The following CCDC6 variants were observed in gnomAD, a reference collection of about 807,000 sequenced individuals.
CCDC6 encodes the protein coiled-coil domain containing 6.
A neutral mutation model predicts 56.6 loss-of-function variants in CCDC6; 20 were observed. That is an observed-to-expected ratio of 0.35 (90% CI 0.25 to 0.51). CCDC6 has a LOEUF of 0.51. Among genes scored for constraint, CCDC6 ranks in the 20% least tolerant of loss-of-function variants. The pLI, the probability that CCDC6 is intolerant of heterozygous loss-of-function variation, is 0.95. For missense variants in CCDC6, 367 were observed against 601.1 expected, an observed-to-expected ratio of 0.61 and a Z score of 4.07; for synonymous variants, 241 against 234.4, an observed-to-expected ratio of 1.03 and a Z score of -0.26.
intron 1 of CCDC6, among the ~76,000 whole-genome samples, chr10:59,872,458 T>C (rs370488373): frequency 2.0e-5 from 3 of 152,318 alleles, no homozygotes; most frequent in East Asian, 3.9e-4. Context: ...TTACATCCTG[T>C]TCCTTGTCTC....
chr10:59,844,270 C>T (rs1218306645), intron 2 of CCDC6, among the ~76,000 whole-genome samples: 1 of 151,778 alleles, frequency 6.6e-6, no homozygotes, highest in African/African-American at 2.4e-5. Flanking sequence ...AGAGTCAGGC[C>T]CTCACTTCTG....
intron 4 of CCDC6, 106 bp from the exon 5 acceptor site, chr10:59,812,901 G>T (rs1187690467): frequency 2.7e-6 from 2 of 740,906 alleles, no homozygotes; most frequent in Non-Finnish European, 4.5e-6. Context: ...CCTGTTTACT[G>T]CCAGAATTCA....
intron 1 of CCDC6, among the ~76,000 whole-genome samples, chr10:59,867,548 A>T (rs1174364833): frequency 6.6e-6 from 1 of 152,054 alleles, no homozygotes; most frequent in South Asian, 2.1e-4. Context: ...TTTTCAACCA[A>T]TTGCCAATCA....
intron 1 of CCDC6, among the ~76,000 whole-genome samples, chr10:59,854,966 A>G (rs2071069139): frequency 6.6e-6 from 1 of 152,244 alleles, no homozygotes; most frequent in Admixed American, 6.5e-5. Context: ...AACTCATTTC[A>G]TTATCAGATC....
intron 8 of CCDC6, among the ~76,000 whole-genome samples, chr10:59,793,345 G>A (rs1453029482): frequency 1.3e-5 from 2 of 152,212 alleles, no homozygotes; most frequent in Non-Finnish European, 2.9e-5. Context: ...AACTTGTGTT[G>A]AACAAACTGC....
intron 1 of CCDC6, among the ~76,000 whole-genome samples, chr10:59,898,215 C>T (rs2071478352): frequency 6.6e-6 from 1 of 152,086 alleles, no homozygotes. Context: ...AGATAATTTC[C>T]ATGTACTGAC....
intron 7 of CCDC6, among the ~76,000 whole-genome samples, chr10:59,797,665 A>T (rs1368847749): frequency 1.6e-5 from 2 of 122,310 alleles, no homozygotes; most frequent in Non-Finnish European, 3.2e-5. Flanking sequence ...TGAGTGAGAG[A>T]GAGAGAGAGT....
chr10:59,790,279 G>A lies in CCDC6; in HGVS notation c.*2638C>T, dbSNP rs1295417231. 1 of 219,486 alleles carries A rather than the reference G, an allele frequency of 4.6e-6. No individual in the cohort carries two copies. Among genetic ancestry groups the A allele is most frequent in the East Asian group, 6.7e-5 (1 of 15,012 alleles). 13.6% of individuals were successfully genotyped at this position (219,486 alleles called of 1,614,324 possible). On this transcript the variant is annotated 3_prime_UTR_variant, in exon 9 of 9. Coordinates refer to ENST00000263102, the MANE Select transcript of CCDC6 (RefSeq NM_005436.5). Reference sequence around the variant, plus strand: ...AAATGAAGCTACTGAAGCCCCTGTTGCTCCCACCTGCCTGCAGGACGGCTA... The same window carrying A: ...AAATGAAGCTACTGAAGCCCCTGTTACTCCCACCTGCCTGCAGGACGGCTA...
At chr10:59,883,722 G>T (rs1169156346) in intron 1 of CCDC6, among the ~76,000 whole-genome samples, 1 of 152,144 alleles carries the variant, frequency 6.6e-6, no homozygotes, top group Non-Finnish European at 1.5e-5. Flanking sequence ...ATTTAATGAG[G>T]AAACACACTT....
Position 59,806,968 on chromosome 10 carries a change from G to A in CCDC6, c.958C>T (p.Arg320Ter). ...REMERREALC[R>*]QLSESESSLE... Reference sequence around the variant, plus strand: ...CTGGACTCACTCTCGGAGAGCTGTCGACAGAGGGCTTCTCTTCTCTCCATC... The same window carrying A: ...CTGGACTCACTCTCGGAGAGCTGTCAACAGAGGGCTTCTCTTCTCTCCATC... The change falls in exon 6 of 9, where the codon CGA becomes TGA. Residue 320 changes from arginine to a stop codon, truncating the protein, a stop_gained. Coordinates refer to ENST00000263102, the MANE Select transcript of CCDC6 (RefSeq NM_005436.5). LOFTEE classifies it high-confidence loss of function. The A allele has an allele frequency of 6.2e-7, 1 of 1,613,958 alleles. No individual in the cohort carries two copies.
Position 59,859,199 on chromosome 10 carries a change from CGTGTGTGTGTGTGT to C in CCDC6, c.304-6511_304-6498del, listed in dbSNP as rs66648240. 3.1e-3 allele frequency among the ~76,000 whole-genome samples: 426 copies of C among 137,260 alleles called. 6 individuals carry two copies. The highest frequency in any genetic ancestry group is 0.011 in the African/African-American group (410 of 37,338). 90.0% of individuals were successfully genotyped at this position (137,260 alleles called of 152,430 possible). A position where few individuals can be genotyped will look rare whatever the true frequency, so the allele number is the denominator to read the frequency against. ...CTGGAAAAAAAAATACATGTGTGTG[CGTGTGTGTGTGTGT>C]GTGTGTGTGTGTGTGTGTGTGTGTA... On this transcript the variant is annotated intron_variant, in intron 1 of 8. Coordinates refer to ENST00000263102, the MANE Select transcript of CCDC6 (RefSeq NM_005436.5).
At chr10:59,828,583 C>T (rs563806497) in intron 3 of CCDC6, among the ~76,000 whole-genome samples, 1 of 152,294 alleles carries the variant, frequency 6.6e-6, no homozygotes, top group East Asian at 1.9e-4. Context: ...TAAAAGACCA[C>T]TAAGATGAGA....
intron 1 of CCDC6, among the ~76,000 whole-genome samples, chr10:59,858,994 T>G (rs888227889): frequency 6.6e-6 from 1 of 152,200 alleles, no homozygotes; most frequent in Non-Finnish European, 1.5e-5. Flanking sequence ...TTCAGGGTGC[T>G]GCTTTCTCCT....
intron 2 of CCDC6, among the ~76,000 whole-genome samples, chr10:59,849,248 A>T (rs563411408): frequency 6.6e-6 from 1 of 152,300 alleles, no homozygotes. Context: ...CTCAGTCAAG[A>T]GTTCTCACGA....
chr10:59,838,108 T>C (rs771563296), intron 2 of CCDC6, among the ~76,000 whole-genome samples: 34 of 152,112 alleles, frequency 2.2e-4, no homozygotes, highest in Admixed American at 3.9e-4. Context: ...CACTAAGGGC[T>C]TCTTGGGCCC....
chr10:59,809,792 C>T (rs1216376094), intron 5 of CCDC6, among the ~76,000 whole-genome samples: 1 of 152,078 alleles, frequency 6.6e-6, no homozygotes, highest in Non-Finnish European at 1.5e-5. Context: ...ATCAGTTAGC[C>T]TACGGTAAAA....
chr10:59,826,184 C>T (rs187060773), intron 3 of CCDC6, among the ~76,000 whole-genome samples: 7 of 152,300 alleles, frequency 4.6e-5, no homozygotes, highest in African/African-American at 1.7e-4. Flanking sequence ...CTCAAGTACA[C>T]CACACAGCAG....
At chr10:59,879,980 G>A (rs117695810) in intron 1 of CCDC6, among the ~76,000 whole-genome samples, 5 of 152,062 alleles carry the variant, frequency 3.3e-5, no homozygotes, top group East Asian at 1.9e-4. Context: ...TGATAAAACC[G>A]AATTTAACTT....
chr10:59,862,822 A>C (rs1453478869), intron 1 of CCDC6, among the ~76,000 whole-genome samples: 6 of 152,110 alleles, frequency 3.9e-5, no homozygotes, highest in Admixed American at 2.0e-4. Context: ...ACATTGGTAC[A>C]AATATTTTGA....
Sources: gnomAD v4.1 joint callset for allele counts (sites outside exome capture counted in the v4.1 genomes callset) on GRCh38, gnomAD v4.1.1 for gene constraint, MANE v1.5 for transcripts, NCBI Gene and HGNC (gene_info 2026-07-23, HGNC 2026-07-21) for gene names.